Variants in COL15A1 observed in about 807,000 individuals in gnomAD.
The protein encoded by COL15A1 is collagen type XV alpha 1 chain.
A neutral mutation model predicts 165.9 loss-of-function variants in COL15A1; 111 were observed. The ratio of observed to expected loss-of-function variants is 0.67; its 90% CI spans 0.57 to 0.78. COL15A1 has a LOEUF of 0.78. COL15A1 is among the 30% of genes least tolerant of loss of function. The probability of loss-of-function intolerance (pLI) is 0.00; values close to 1 mark genes in which losing one functional copy is unlikely to be tolerated. For missense variants in COL15A1, 1,745 were observed against 1,789.7 expected, an observed-to-expected ratio of 0.98 and a Z score of 0.45; for synonymous variants, 659 against 674.8, an observed-to-expected ratio of 0.98 and a Z score of 0.36.
rs1825955672 is a variant in COL15A1, at chr9:99,069,803, C to G, written c.4084C>G (p.Leu1362Val). Residue 1362 changes from leucine (L) to valine (V), a missense_variant, in exon 42 of 42, where the codon CTG (leucine) becomes GTG (valine). Coordinates refer to ENST00000375001, the MANE Select transcript of COL15A1 (RefSeq NM_001855.5). ...CTCCCCGCTGAGCACGGGGAAGATTCTGGACCAGAAAGCATACAGCTGTGC... is the reference window on the plus strand; with the variant it reads ...CTCCCCGCTGAGCACGGGGAAGATTGTGGACCAGAAAGCATACAGCTGTGC... Reference protein sequence around the residue: ...LASPLSTGKILDQKAYSCANR... With the variant: ...LASPLSTGKIVDQKAYSCANR... 1 of 1,614,112 alleles carries G rather than the reference C, an allele frequency of 6.2e-7. No homozygotes were observed. The highest frequency in any genetic ancestry group is 1.3e-5 in the African/African-American group (1 of 74,940).
chr9:99,043,722 G>T (rs1294773087), intron 24 of COL15A1, among the ~76,000 whole-genome samples: 1 of 152,196 alleles, frequency 6.6e-6, no homozygotes, highest in East Asian at 1.9e-4. Context: ...CCATTGAAAA[G>T]AGACTTCTGT....
In COL15A1 at chr9:99,029,858, G is replaced by A. The variant is rs541206274; in HGVS notation, c.2043+3892G>A. Reference sequence around the variant, plus strand: ...GAGAATCACCTGAACCCGGGAGGCCGGGGTTGCAGTGAGCCGAGATCGTGC... The same window carrying A: ...GAGAATCACCTGAACCCGGGAGGCCAGGGTTGCAGTGAGCCGAGATCGTGC... On this transcript the variant is annotated intron_variant, in intron 16 of 41. Coordinates refer to ENST00000375001, the MANE Select transcript of COL15A1 (RefSeq NM_001855.5). Among the ~76,000 whole-genome samples, 4 of 152,114 alleles carry A rather than the reference G, an allele frequency of 2.6e-5. No homozygotes were observed. In the South Asian group the frequency reaches 6.2e-4, roughly 24 times the overall value.
intron 2 of COL15A1, among the ~76,000 whole-genome samples, chr9:98,972,821 G>A (rs1314291664): frequency 6.6e-6 from 1 of 152,162 alleles, no homozygotes; most frequent in East Asian, 1.9e-4. Flanking sequence ...GGATGGAGGG[G>A]GACTGAGGGA....
At chr9:98,983,593 G>T (rs904849583) in intron 2 of COL15A1, among the ~76,000 whole-genome samples, 10 of 152,182 alleles carry the variant, frequency 6.6e-5, no homozygotes, top group Non-Finnish European at 1.2e-4. Flanking sequence ...CTTTATAAGG[G>T]AGCTCAAGGG....
At position 99,059,889 on chromosome 9, in the gene COL15A1, C is replaced by A. The variant is rs766279259; in HGVS notation, c.3338C>A (p.Ala1113Asp). ...ACTTCTCTTTTCTGTTTTGTCTTAG[C>A]TGTGGCCCTTCCAGGTCCCCCTGGC... ...PPGPPAILGA[A>D]VALPGPPGPP... The change falls in exon 36 of 42, where the codon GCT becomes GAT. Residue 1113 changes from alanine (A) to aspartate (D), a missense_variant and splice_region_variant. Transcript: ENST00000375001. 3.1e-6 allele frequency: 5 copies of A among 1,613,622 alleles called. No individual in the cohort carries two copies. In the South Asian group the frequency reaches 5.5e-5, roughly 18 times the overall value.
chr9:99,050,315 C>T (rs1398366286), intron 30 of COL15A1, among the ~76,000 whole-genome samples: 3 of 152,154 alleles, frequency 2.0e-5, no homozygotes, highest in Non-Finnish European at 2.9e-5. Flanking sequence ...ATCACTGCAC[C>T]GCACACAACA....
intron 20 of COL15A1, 27 bp downstream of exon 20, chr9:99,036,232 T>C (rs757308757): frequency 6.2e-7 from 1 of 1,603,146 alleles, no homozygotes; most frequent in East Asian, 2.2e-5. Context: ...AAGGTGGGGG[T>C]GGGAGGGCTT....
chr9:98,958,584 G>A (rs1837815300), intron 2 of COL15A1, among the ~76,000 whole-genome samples: 1 of 152,148 alleles, frequency 6.6e-6, no homozygotes, highest in Non-Finnish European at 1.5e-5. Context: ...TTTATTTCAG[G>A]TCTAACTGTC....
intron 26 of COL15A1, among the ~76,000 whole-genome samples, chr9:99,045,451 C>A (rs752541347): frequency 1.3e-5 from 2 of 152,228 alleles, no homozygotes; most frequent in Non-Finnish European, 2.9e-5. Flanking sequence ...GATATTAGGG[C>A]CCTTCTGGCC....
chr9:99,011,636 T>G (rs1838849688), intron 9 of COL15A1, among the ~76,000 whole-genome samples: 1 of 151,966 alleles, frequency 6.6e-6, no homozygotes, highest in African/African-American at 2.4e-5. Flanking sequence ...AAAACACACT[T>G]TTTTTTAGAA....
At chr9:99,018,306 C>G in intron 11 of COL15A1, among the ~76,000 whole-genome samples, 1 of 152,150 alleles carries the variant, frequency 6.6e-6, no homozygotes, top group Non-Finnish European at 1.5e-5. Flanking sequence ...TTCCCTTTTG[C>G]CATTAATCTG....
At chr9:99,013,440 C>T (rs1003053593) in intron 9 of COL15A1, among the ~76,000 whole-genome samples, 2 of 151,988 alleles carry the variant, frequency 1.3e-5, no homozygotes, top group East Asian at 3.9e-4. Context: ...ATGCAAAATG[C>T]TCACACTAGC....
rs1357686695 is a variant in COL15A1, at chr9:98,950,036, CTGAG to C, written c.100+5788_100+5791del. On this transcript the variant is annotated intron_variant, in intron 2 of 41. Coordinates refer to ENST00000375001, the MANE Select transcript of COL15A1 (RefSeq NM_001855.5). Reference sequence around the variant, plus strand: ...GTCAGTACTTCATGCCTTTTTATGACTGAGTAATATTCCAGTGTATGTATATACC... The same window carrying C: ...GTCAGTACTTCATGCCTTTTTATGACTAATATTCCAGTGTATGTATATACC... Among the ~76,000 whole-genome samples the C allele has an allele frequency of 3.9e-5, 6 of 152,292 alleles. 1 individual carries two copies. In the East Asian group the frequency reaches 5.8e-4, roughly 15 times the overall value.
At chr9:98,945,933 CA>C (rs1202021066) in intron 2 of COL15A1, among the ~76,000 whole-genome samples, 2 of 152,130 alleles carry the variant, frequency 1.3e-5, no homozygotes, top group Non-Finnish European at 2.9e-5. Context: ...TTGTTTCTAA[CA>C]CAAAGGAAGC....
At chr9:99,008,028 T>C (rs1838791284) in intron 9 of COL15A1, among the ~76,000 whole-genome samples, 1 of 152,202 alleles carries the variant, frequency 6.6e-6, no homozygotes, top group Non-Finnish European at 1.5e-5. Flanking sequence ...CATAGGACAA[T>C]TTCATTTGCA....
intron 9 of COL15A1, among the ~76,000 whole-genome samples, chr9:99,009,482 T>C (rs1838813982): frequency 6.6e-6 from 1 of 152,248 alleles, no homozygotes; most frequent in South Asian, 2.1e-4. Flanking sequence ...CAAATATGTC[T>C]CTTTTGGACT....
intron 21 of COL15A1, among the ~76,000 whole-genome samples, chr9:99,037,143 C>G (rs1003466976): frequency 6.6e-6 from 1 of 152,240 alleles, no homozygotes; most frequent in Non-Finnish European, 1.5e-5. Flanking sequence ...AAAGCATCCT[C>G]TTCCCAACTC....
chr9:98,991,871 C>A (rs1353106710), intron 5 of COL15A1, among the ~76,000 whole-genome samples: 1 of 150,740 alleles, frequency 6.6e-6, no homozygotes, highest in Admixed American at 6.6e-5. Flanking sequence ...GGTGTATTTA[C>A]AATCCTTTAG....
At chr9:99,024,642 G>A (rs1839090022) in intron 14 of COL15A1, among the ~76,000 whole-genome samples, 1 of 152,124 alleles carries the variant, frequency 6.6e-6, no homozygotes, top group Non-Finnish European at 1.5e-5. Context: ...ACGATATGAT[G>A]GGCTCAGAAA....
Sources: allele counts gnomAD v4.1 joint callset (sites outside exome capture counted in the v4.1 genomes callset), GRCh38; gene constraint gnomAD v4.1.1; transcripts MANE v1.5; gene names NCBI Gene and HGNC (gene_info 2026-07-23, HGNC 2026-07-21).